SND1: variants seen among roughly 807,000 people sequenced by gnomAD.
SND1 encodes staphylococcal nuclease domain-containing protein 1.
A neutral mutation model predicts 121.7 loss-of-function variants in SND1; 38 were observed. The observed-to-expected ratio is 0.31, with a 90% CI of 0.24 to 0.41. The LOEUF (loss-of-function observed/expected upper bound fraction) is 0.41, where lower values mean the gene tolerates loss of function less well. Among genes scored for constraint, SND1 ranks in the 10% least tolerant of loss-of-function variants. The pLI, the probability that SND1 is intolerant of heterozygous loss-of-function variation, is 1.00. For missense variants in SND1, 868 were observed against 1,184.6 expected, an observed-to-expected ratio of 0.73 and a Z score of 3.92; for synonymous variants, 401 against 447.4, an observed-to-expected ratio of 0.90 and a Z score of 1.31.
At chr7:127,890,389 G>T (rs1373881475) in intron 13 of SND1, among the ~76,000 whole-genome samples, 1 of 152,072 alleles carries the variant, frequency 6.6e-6, no homozygotes, top group African/African-American at 2.4e-5. Context: ...TCTTGGTACT[G>T]TTTGATCATC....
intron 11 of SND1, among the ~76,000 whole-genome samples, chr7:127,810,090 T>C (rs1798306627): frequency 6.6e-6 from 1 of 152,228 alleles, no homozygotes. Context: ...TTCATAGCCC[T>C]ACTTTTTCAG....
At chr7:128,063,987 T>C (rs1451030165) in intron 16 of SND1, among the ~76,000 whole-genome samples, 1 of 152,110 alleles carries the variant, frequency 6.6e-6, no homozygotes, top group African/African-American at 2.4e-5. Context: ...AATTCCAACA[T>C]TAGTGGAGAA....
chr7:127,862,230 A>G (rs1302131055), intron 12 of SND1, among the ~76,000 whole-genome samples: 2 of 152,148 alleles, frequency 1.3e-5, no homozygotes, highest in Non-Finnish European at 2.9e-5. Flanking sequence ...TTCTAAATCA[A>G]ATTTATTTCC....
intron 10 of SND1, among the ~76,000 whole-genome samples, 165 bp from the exon 11 acceptor site, chr7:127,807,319 G>T (rs1798254822): frequency 6.6e-6 from 1 of 152,174 alleles, no homozygotes. Context: ...TCTCAGTAAA[G>T]CATTTCAACC....
chr7:127,906,006 G>C (rs1425317167), intron 14 of SND1, among the ~76,000 whole-genome samples: 1 of 152,144 alleles, frequency 6.6e-6, no homozygotes, highest in African/African-American at 2.4e-5. Context: ...CCTGGTGATT[G>C]CTTGCTACAA....
intron 10 of SND1, among the ~76,000 whole-genome samples, chr7:127,735,956 T>A (rs1562995317): frequency 6.6e-6 from 1 of 152,144 alleles, no homozygotes; most frequent in Non-Finnish European, 1.5e-5. Context: ...AATTGTCTTG[T>A]CTCCTTTCTG....
At chr7:127,940,068 G>A (rs764479341) in intron 15 of SND1, among the ~76,000 whole-genome samples, 2 of 152,018 alleles carry the variant, frequency 1.3e-5, no homozygotes, top group Admixed American at 6.6e-5. Flanking sequence ...GTTCCTTTTC[G>A]GGCCCTTCTC....
intron 15 of SND1, among the ~76,000 whole-genome samples, chr7:127,977,230 A>G (rs1802142238): frequency 1.3e-5 from 2 of 152,226 alleles, no homozygotes; most frequent in Admixed American, 6.5e-5. Context: ...CAGTTTGAAG[A>G]TTCACTTCAT....
chr7:127,890,285 A>C (rs1799986092), intron 13 of SND1, among the ~76,000 whole-genome samples: 1 of 152,120 alleles, frequency 6.6e-6, no homozygotes, highest in Admixed American at 6.6e-5. Flanking sequence ...AGTGATGTTG[A>C]GCACCTTTTC....
intron 15 of SND1, among the ~76,000 whole-genome samples, chr7:127,984,409 G>A (rs1393913708): frequency 6.6e-6 from 1 of 152,200 alleles, no homozygotes; most frequent in Non-Finnish European, 1.5e-5. Flanking sequence ...AAAGTGGGAT[G>A]TATGTAGTTA....
At chr7:127,857,174 A>T (rs1237686456) in intron 12 of SND1, among the ~76,000 whole-genome samples, 2 of 145,354 alleles carry the variant, frequency 1.4e-5, no homozygotes, top group African/African-American at 5.1e-5. Flanking sequence ...CTTAGGAAAA[A>T]TGTCAACACT....
chr7:127,751,449 A>G (rs1316151312), intron 10 of SND1, among the ~76,000 whole-genome samples: 1 of 152,162 alleles, frequency 6.6e-6, no homozygotes, highest in Non-Finnish European at 1.5e-5. Context: ...CTGCCTGTGC[A>G]TTGCCCATTT....
intron 10 of SND1, among the ~76,000 whole-genome samples, chr7:127,774,580 A>ATTT (rs71179600): frequency 7.2e-6 from 1 of 139,188 alleles, no homozygotes; most frequent in Non-Finnish European, 1.6e-5. Flanking sequence ...ATTTTTTATC[A>ATTT]TTTTTTTTTT....
chr7:128,036,953 G>A (rs1792761560), intron 16 of SND1, among the ~76,000 whole-genome samples: 1 of 152,150 alleles, frequency 6.6e-6, no homozygotes, highest in African/African-American at 2.4e-5. Flanking sequence ...TAGGTACTTG[G>A]TACTGTGTTA....
At chr7:127,656,469 C>A (rs1795211903) in intron 1 of SND1, among the ~76,000 whole-genome samples, 1 of 151,878 alleles carries the variant, frequency 6.6e-6, no homozygotes, top group South Asian at 2.1e-4. Context: ...ATTACAGGCG[C>A]GTGTCAGCAT....
intron 13 of SND1, among the ~76,000 whole-genome samples, chr7:127,896,181 G>A (rs999903786): frequency 4.0e-5 from 6 of 151,324 alleles, no homozygotes; most frequent in South Asian, 2.1e-4. Flanking sequence ...ACCCCCATCC[G>A]CCAAAATAGG....
intron 16 of SND1, among the ~76,000 whole-genome samples, chr7:128,033,051 C>G (rs1390626250): frequency 6.6e-6 from 1 of 152,162 alleles, no homozygotes; most frequent in Non-Finnish European, 1.5e-5. Context: ...CCTTGCTCCC[C>G]GCTGCCCCCA....
chr7:127,983,030 A>G (rs376934982), intron 15 of SND1, among the ~76,000 whole-genome samples: 16 of 152,336 alleles, frequency 1.1e-4, no homozygotes, highest in African/African-American at 3.1e-4. Context: ...ACCTGTCTAT[A>G]TATTGTTGGC....
chr7:127,889,681 C>T (rs1343402105), intron 13 of SND1, among the ~76,000 whole-genome samples: 2 of 151,862 alleles, frequency 1.3e-5, no homozygotes, highest in Non-Finnish European at 2.9e-5. Flanking sequence ...TTCTCACTAC[C>T]CCTCCCAGCC....
Sources: allele counts gnomAD v4.1 joint callset (sites outside exome capture counted in the v4.1 genomes callset), GRCh38; gene constraint gnomAD v4.1.1; transcripts MANE v1.5; gene names NCBI Gene and HGNC (gene_info 2026-07-23, HGNC 2026-07-21).